The following LRMDA variants were observed in gnomAD, a reference collection of about 807,000 sequenced individuals.
The protein encoded by LRMDA is leucine rich melanocyte differentiation associated, also known as leucine-rich melanocyte differentiation-associated protein.
Under a neutral mutation model 29.8 loss-of-function variants are expected in LRMDA, and 18 were observed. That is an observed-to-expected ratio of 0.60 (90% CI 0.42 to 0.90). The LOEUF (loss-of-function observed/expected upper bound fraction) is 0.90. Among genes scored for constraint, LRMDA ranks in the 40% least tolerant of loss-of-function variants. LRMDA has a pLI of 0.00. For missense variants in LRMDA, 273 were observed against 273.9 expected (o/e 1.00, Z 0.02); for synonymous variants, 125 against 109.4 (o/e 1.14, Z -0.89).
At chr10:75,532,179 T>G (rs1228995719) in intron 2 of LRMDA, among the ~76,000 whole-genome samples, 1 of 152,156 alleles carries the variant, frequency 6.6e-6, no homozygotes, top group Non-Finnish European at 1.5e-5. Context: ...GTCTTGTTGC[T>G]GTCTTCATTA....
chr10:76,521,359 C>T (rs1340938473), intron 6 of LRMDA, among the ~76,000 whole-genome samples: 8 of 152,302 alleles, frequency 5.3e-5, no homozygotes, highest in African/African-American at 1.9e-4. Flanking sequence ...TAGTCTCAAT[C>T]TCCTGACCTT....
intron 2 of LRMDA, among the ~76,000 whole-genome samples, chr10:75,561,522 C>T (rs1034390521): frequency 6.6e-6 from 1 of 152,018 alleles, no homozygotes; most frequent in Non-Finnish European, 1.5e-5. Flanking sequence ...TTTTGAGTCT[C>T]TATTTCCTTC....
At chr10:75,554,401 C>G (rs1564799217) in intron 2 of LRMDA, among the ~76,000 whole-genome samples, 2 of 152,294 alleles carry the variant, frequency 1.3e-5, no homozygotes, top group East Asian at 3.9e-4. Flanking sequence ...GTATGATAGT[C>G]ACTGTACATA....
At chr10:76,510,297 C>G (rs928367234) in intron 6 of LRMDA, among the ~76,000 whole-genome samples, 2 of 152,146 alleles carry the variant, frequency 1.3e-5, no homozygotes, top group Non-Finnish European at 2.9e-5. Context: ...TCTCGAACTC[C>G]TGACCTCAGG....
intron 2 of LRMDA, among the ~76,000 whole-genome samples, chr10:75,836,552 C>G (rs1844440196): frequency 6.6e-6 from 1 of 152,152 alleles, no homozygotes; most frequent in African/African-American, 2.4e-5. Flanking sequence ...TTAGGATTTT[C>G]TAAACTGCTT....
At chr10:75,433,565 T>TGTTTTTTC (rs1330196214) in intron 1 of LRMDA, among the ~76,000 whole-genome samples, 2 of 152,150 alleles carry the variant, frequency 1.3e-5, no homozygotes, top group Non-Finnish European at 2.9e-5. Context: ...TTTGTTTGTT[T>TGTTTTTTC]GTTTTTTCTA....
intron 5 of LRMDA, among the ~76,000 whole-genome samples, chr10:76,274,513 A>C (rs1181605167): frequency 6.6e-6 from 1 of 152,176 alleles, no homozygotes; most frequent in Non-Finnish European, 1.5e-5. Flanking sequence ...TGTCTTGGAA[A>C]AGTCAAGTAG....
At chr10:76,214,211 G>A (rs1256322205) in intron 5 of LRMDA, among the ~76,000 whole-genome samples, 2 of 151,242 alleles carry the variant, frequency 1.3e-5, no homozygotes, top group East Asian at 1.9e-4. Flanking sequence ...GTCACATAAC[G>A]TTGTAAAAAA....
intron 5 of LRMDA, among the ~76,000 whole-genome samples, chr10:76,158,874 C>T (rs1410933634): frequency 6.6e-6 from 1 of 152,026 alleles, no homozygotes; most frequent in Non-Finnish European, 1.5e-5. Flanking sequence ...CTACTAATAG[C>T]ATTGTTTTGT....
chr10:76,209,551 A>G (rs544341735), intron 5 of LRMDA, among the ~76,000 whole-genome samples: 7 of 152,192 alleles, frequency 4.6e-5, no homozygotes, highest in Non-Finnish European at 1.0e-4. Flanking sequence ...AAACACCTGC[A>G]GAGCTCTTTT....
At chr10:75,481,447 G>A (rs1202062751) in intron 2 of LRMDA, among the ~76,000 whole-genome samples, 1 of 152,152 alleles carries the variant, frequency 6.6e-6, no homozygotes, top group Non-Finnish European at 1.5e-5. Flanking sequence ...AGGGAGGTAG[G>A]TAGTGACCTT....
intron 6 of LRMDA, chr10:76,402,225 G>T: frequency 6.6e-6 from 1 of 152,260 alleles, no homozygotes; most frequent in East Asian, 1.9e-4. Flanking sequence ...AAATCCTTGG[G>T]GCTGGAACAA....
chr10:75,582,737 C>G (rs1463497300), intron 2 of LRMDA, among the ~76,000 whole-genome samples: 1 of 152,232 alleles, frequency 6.6e-6, no homozygotes, highest in East Asian at 1.9e-4. Flanking sequence ...TTTTTTACTA[C>G]ATGGCCGGGC....
At chr10:76,091,388 A>G (rs1849230545) in intron 5 of LRMDA, among the ~76,000 whole-genome samples, 1 of 151,918 alleles carries the variant, frequency 6.6e-6, no homozygotes, top group South Asian at 2.1e-4. Context: ...GTTTGGCTCT[A>G]TTAACGTTTC....
At chr10:76,185,373 A>G (rs1358324155) in intron 5 of LRMDA, among the ~76,000 whole-genome samples, 1 of 152,192 alleles carries the variant, frequency 6.6e-6, no homozygotes, top group Non-Finnish European at 1.5e-5. Flanking sequence ...CAGTTGAGAG[A>G]GATTGGGAAG....
At chr10:75,918,934 T>G (rs1179045131) in intron 2 of LRMDA, among the ~76,000 whole-genome samples, 1 of 152,078 alleles carries the variant, frequency 6.6e-6, no homozygotes, top group Non-Finnish European at 1.5e-5. Flanking sequence ...CCACAAATAG[T>G]TGGGAGTTAG....
At chr10:75,671,564 C>T (rs951136211) in intron 2 of LRMDA, among the ~76,000 whole-genome samples, 1 of 152,118 alleles carries the variant, frequency 6.6e-6, no homozygotes, top group African/African-American at 2.4e-5. Context: ...CATGTTCTCA[C>T]TCATAAGTGG....
chr10:76,142,797 C>T (rs984234110), intron 5 of LRMDA, among the ~76,000 whole-genome samples: 2 of 151,338 alleles, frequency 1.3e-5, no homozygotes, highest in East Asian at 3.9e-4. Context: ...CCCATTAACT[C>T]GTCATTTAGC....
chr10:76,408,935 C>T (rs530184718), intron 6 of LRMDA, among the ~76,000 whole-genome samples: 2 of 152,202 alleles, frequency 1.3e-5, no homozygotes, highest in Non-Finnish European at 2.9e-5. Flanking sequence ...TATTGTGGTA[C>T]AAGGCATTTA....
Sources: gnomAD v4.1 joint callset for allele counts (sites outside exome capture counted in the v4.1 genomes callset) on GRCh38, gnomAD v4.1.1 for gene constraint, MANE v1.5 for transcripts, NCBI Gene and HGNC (gene_info 2026-07-23, HGNC 2026-07-21) for gene names.